Variants in RTN1 observed in about 807,000 individuals in gnomAD.
RTN1 encodes the protein reticulon-1.
RTN1 carries 25 observed loss-of-function variants against 65.5 expected under a neutral mutation model. That is an observed-to-expected ratio of 0.38 (90% CI 0.28 to 0.53). The LOEUF (loss-of-function observed/expected upper bound fraction) is 0.53. RTN1 is among the 20% of genes least tolerant of loss of function. RTN1 has a pLI of 0.79. For synonymous variants in RTN1, 471 were observed against 447.6 expected (o/e 1.05, Z -0.66); for missense variants, 983 against 1,025.4 (o/e 0.96, Z 0.57).
chr14:59,749,320 C>CTATATATCTA lies in RTN1; in HGVS notation c.242-2849_242-2840dup, dbSNP rs1326216232. ...TATCTATATATATCTATATATATAT[C>CTATATATCTA]TATATATCTATATATATCTATATAT... On this transcript the variant is annotated intron_variant, in intron 1 of 8. Transcript: ENST00000267484. 1.4e-3 allele frequency among the ~76,000 whole-genome samples: 25 copies of CTATATATCTA among 17,774 alleles called. 2 individuals carry two copies. The highest frequency in any genetic ancestry group is 2.7e-3 in the Admixed American group (3 of 1,128). 11.7% of individuals were successfully genotyped at this position (17,774 alleles called of 152,430 possible).
chr14:59,797,706 T>C (rs1886465254), intron 1 of RTN1, among the ~76,000 whole-genome samples: 1 of 152,224 alleles, frequency 6.6e-6, no homozygotes, highest in East Asian at 1.9e-4. Context: ...TAAAGCATTA[T>C]TTACTCATTC....
intron 3 of RTN1, chr14:59,630,481 T>C (rs1344505990): frequency 1.9e-6 from 3 of 1,613,846 alleles, no homozygotes; most frequent in Admixed American, 3.3e-5. Context: ...ACAGTCCATC[T>C]TGGTGGAATC....
At chr14:59,620,184 G>A (rs1882217259) in intron 3 of RTN1, among the ~76,000 whole-genome samples, 1 of 152,170 alleles carries the variant, frequency 6.6e-6, no homozygotes, top group Non-Finnish European at 1.5e-5. Flanking sequence ...GACATTTTGG[G>A]AAGTTACAGT....
chr14:59,727,431 T>C lies in RTN1; in HGVS notation c.1253A>G (p.Glu418Gly). The C allele has an allele frequency of 6.4e-7, 1 of 1,553,796 alleles. No individual in the cohort carries two copies. The highest frequency in any genetic ancestry group is 8.7e-7 in the Non-Finnish European group (1 of 1,149,612). ...SGDSEIELVS[E>G]DPMAAEDALP... Reference sequence around the variant, plus strand: ...CGCGTCCTCCGCGGCCATGGGGTCCTCGGACACCAGCTCGATCTCTGAGTC... The same window carrying C: ...CGCGTCCTCCGCGGCCATGGGGTCCCCGGACACCAGCTCGATCTCTGAGTC... Residue 418 changes from glutamate to glycine, a missense_variant, in exon 3 of 9, where the codon GAG becomes GGG. Glu to Gly is a moderately conservative substitution (Grantham distance 98). Around this residue, in one of 2 missense-constraint regions of RTN1, gnomAD observed 818 missense variants for 801.8 expected, o/e 1.02. Coordinates refer to ENST00000267484, the MANE Select transcript of RTN1 (RefSeq NM_021136.3). This position sits in a 1 kb window ranked among gnomAD's most constrained non-coding sequence, Gnocchi z 4.2.
At chr14:59,719,519 C>T (rs1274201686) in intron 3 of RTN1, among the ~76,000 whole-genome samples, 1 of 152,238 alleles carries the variant, frequency 6.6e-6, no homozygotes, top group Admixed American at 6.5e-5. Flanking sequence ...TTCAAGTCTG[C>T]TTTGGTAACC....
rs150744892 is a variant in RTN1 at position 59,726,393 on chromosome 14, T to C, written c.1765+526A>G. Among the ~76,000 whole-genome samples the C allele has an allele frequency of 5.9e-5, 9 of 152,216 alleles. No homozygotes were observed. The East Asian group carries it at 1.7e-3, about 29-fold the overall frequency. On this transcript the variant is annotated intron_variant, in intron 3 of 8. Coordinates refer to ENST00000267484, the MANE Select transcript of RTN1 (RefSeq NM_021136.3). ...CTGTCTTGCCTGACTCACTGGGACA[T>C]AAAAACCTTACCAAGGCCCAAATCC...
intron 1 of RTN1, among the ~76,000 whole-genome samples, chr14:59,750,335 T>TC (rs1248521429): frequency 2.4e-4 from 2 of 8,370 alleles, no homozygotes; most frequent in Non-Finnish European, 4.0e-4. Flanking sequence ...ATATAATATA[T>TC]TATATCTATA....
Position 59,727,242 on chromosome 14 carries a change from G to T in RTN1, c.1442C>A (p.Pro481His). The T allele has an allele frequency of 6.5e-7, 1 of 1,546,202 alleles. No individual in the cohort carries two copies. The highest frequency in any genetic ancestry group is 1.2e-5 in the South Asian group (1 of 82,130). Residue 481 changes from proline to histidine, a missense_variant, in exon 3 of 9, where the codon CCC becomes CAC. Transcript: ENST00000267484. This position sits in a 1 kb window ranked among gnomAD's most constrained non-coding sequence, Gnocchi z 4.2. ...CDASSASEES[P>H]KREQDSPPMK... ...CGGGGGTGAGTCCTGCTCCCGCTTG[G>T]GGCTCTCCTCCGAGGCCGAGGAGGC...
chr14:59,723,344 C>T (rs567290140), intron 3 of RTN1, among the ~76,000 whole-genome samples: 30 of 152,062 alleles, frequency 2.0e-4, no homozygotes, highest in Admixed American at 7.9e-4. Context: ...CGGTGGCTCA[C>T]GCCTGTAATC....
At position 59,750,392 on chromosome 14, in the gene RTN1, CTATAATATATATATTATATG is replaced by C. The variant is rs1372883501; in HGVS notation, c.242-3931_242-3912del. Among the ~76,000 whole-genome samples, 21 of 44,506 alleles carry C rather than the reference CTATAATATATATATTATATG, an allele frequency of 4.7e-4. 1 individual carries two copies. Among genetic ancestry groups the C allele is most frequent in the African/African-American group, 1.3e-3 (15 of 11,424 alleles). The allele number at this position is 44,506 out of a possible 152,430, so 29.2% of individuals were successfully genotyped here. ...TATATCTATATATTATATATTATAT[CTATAATATATATATTATATG>C]TATAATATATAATATATCTATAATA... is the stretch of plus-strand genomic sequence containing the variant. On this transcript the variant is annotated intron_variant, in intron 1 of 8. Transcript: ENST00000267484.
chr14:59,833,872 T>G (rs1213732485), intron 1 of RTN1, among the ~76,000 whole-genome samples: 1 of 152,244 alleles, frequency 6.6e-6, no homozygotes, highest in African/African-American at 2.4e-5. Context: ...ATTGCAAGAT[T>G]CTTCTAAACA....
chr14:59,720,588 TG>T (rs1057050475), intron 3 of RTN1, among the ~76,000 whole-genome samples: 11 of 152,140 alleles, frequency 7.2e-5, no homozygotes, highest in Admixed American at 7.2e-4. Flanking sequence ...CCAGGCATGG[TG>T]GTGCATGCCT....
At chr14:59,616,033 A>G (rs1199968702) in intron 3 of RTN1, among the ~76,000 whole-genome samples, 1 of 152,182 alleles carries the variant, frequency 6.6e-6, no homozygotes, top group Non-Finnish European at 1.5e-5. Context: ...ATTATAAATT[A>G]TGTCTCTTTT....
chr14:59,718,415 C>T lies in RTN1; in HGVS notation c.1765+8504G>A, dbSNP rs1172909770. ...CTTGCCTGTTAGTAAAATTTTGATT[C>T]ACATTTGGGATGTTCTTTAGACTTT... On this transcript the variant is annotated intron_variant, in intron 3 of 8. Coordinates refer to ENST00000267484, the MANE Select transcript of RTN1 (RefSeq NM_021136.3). Among the ~76,000 whole-genome samples, 3 of 152,138 alleles carry T rather than the reference C, an allele frequency of 2.0e-5. No individual in the cohort carries two copies. In the East Asian group the frequency reaches 5.8e-4, roughly 29 times the overall value.
At chr14:59,671,988 A>G (rs982635641) in intron 3 of RTN1, among the ~76,000 whole-genome samples, 2 of 152,202 alleles carry the variant, frequency 1.3e-5, no homozygotes, top group African/African-American at 4.8e-5. Context: ...ACACTATACA[A>G]CCTAATGCCA....
chr14:59,852,422 G>A (rs1250592917), intron 1 of RTN1, among the ~76,000 whole-genome samples: 3 of 152,140 alleles, frequency 2.0e-5, no homozygotes, highest in African/African-American at 7.2e-5. Flanking sequence ...GAGATTTTTA[G>A]AGGGAGAATT....
intron 1 of RTN1, among the ~76,000 whole-genome samples, chr14:59,752,557 C>G (rs184131641): frequency 5.7e-4 from 87 of 152,198 alleles, no homozygotes; most frequent in African/African-American, 1.8e-3. Flanking sequence ...TGATCCCATC[C>G]TATTGTCTCC....
At chr14:59,632,929 TA>T (rs962190707) in intron 3 of RTN1, among the ~76,000 whole-genome samples, 21 of 151,408 alleles carry the variant, frequency 1.4e-4, no homozygotes, top group African/African-American at 4.1e-4. Context: ...ACCCCATCTC[TA>T]AAAAAAATAC....
chr14:59,708,133 A>G (rs1193206708), intron 3 of RTN1, among the ~76,000 whole-genome samples: 3 of 152,242 alleles, frequency 2.0e-5, no homozygotes, highest in Non-Finnish European at 4.4e-5. Context: ...AAGCATTAGC[A>G]CCTAATGTGC....
Sources: allele counts gnomAD v4.1 joint callset (sites outside exome capture counted in the v4.1 genomes callset), GRCh38; gene constraint gnomAD v4.1.1; regional missense constraint gnomAD v4.1.1; non-coding constraint Gnocchi (gnomAD v3.1); transcripts MANE v1.5; gene names NCBI Gene and HGNC (gene_info 2026-07-23, HGNC 2026-07-21).